The following ZDHHC21 variants were observed in gnomAD, a reference collection of about 807,000 sequenced individuals.
ZDHHC21 encodes zDHHC palmitoyltransferase 21, also known as palmitoyltransferase ZDHHC21.
A neutral mutation model predicts 34.6 loss-of-function variants in ZDHHC21; 15 were observed. The ratio of observed to expected loss-of-function variants is 0.43; its 90% CI spans 0.29 to 0.67. The LOEUF is 0.67. Ranked by LOEUF, ZDHHC21 falls within the 30% of genes least tolerant of loss-of-function variation. The pLI is 0.14. For missense variants in ZDHHC21, 344 were observed against 327.7 expected, an observed-to-expected ratio of 1.05 and a Z score of -0.38; for synonymous variants, 142 against 101.8, an observed-to-expected ratio of 1.40 and a Z score of -2.38.
rs966085107 is a variant in ZDHHC21, at chr9:14,617,322, G to A, written c.*1644C>T. The A allele has an allele frequency of 2.0e-5, 3 of 151,884 alleles. No homozygotes were observed. Among genetic ancestry groups the A allele is most frequent in the Non-Finnish European group, 4.4e-5 (3 of 67,884 alleles). The allele number at this position is 151,884 out of a possible 1,614,324, so 9.4% of individuals were successfully genotyped here. A position where few individuals can be genotyped will look rare whatever the true frequency, so the allele number is the denominator to read the frequency against. The stretch of plus-strand genomic sequence containing the variant: ...TCTGTTCGTATTTCTGAGTTTGTAA[G>A]TAATAAAGTATTCTAATTAGAACAT... On this transcript the variant is annotated 3_prime_UTR_variant, in exon 10 of 10. Coordinates refer to ENST00000380916, the MANE Select transcript of ZDHHC21 (RefSeq NM_178566.6).
intron 7 of ZDHHC21, among the ~76,000 whole-genome samples, chr9:14,646,215 T>C (rs1355123639): frequency 6.6e-6 from 1 of 152,068 alleles, no homozygotes; most frequent in Non-Finnish European, 1.5e-5. Flanking sequence ...TTCACAACAA[T>C]GAAAATAAAC....
rs557563374 is a variant in ZDHHC21 at position 14,615,018 on chromosome 9, G to A, written c.*3948C>T. On this transcript the variant is annotated 3_prime_UTR_variant, in exon 10 of 10. Transcript: ENST00000380916. ...GAGACTAGAGAAAAGTCCAGAGAGA[G>A]ACTAGCAGCTCTATTAATTAGTATT... The A allele has an allele frequency of 6.6e-6, 1 of 151,778 alleles. No homozygotes were observed. The highest frequency in any genetic ancestry group is 2.1e-4 in the South Asian group (1 of 4,828). 9.4% of individuals were successfully genotyped at this position (151,778 alleles called of 1,614,324 possible). A position where few individuals can be genotyped will look rare whatever the true frequency, so the allele number is the denominator to read the frequency against.
chr9:14,680,948 T>A (rs577841934), intron 2 of ZDHHC21, among the ~76,000 whole-genome samples: 11 of 152,248 alleles, frequency 7.2e-5, no homozygotes, highest in African/African-American at 2.6e-4. Context: ...CAACAAACCC[T>A]GTGAGGTAGC....
intron 6 of ZDHHC21, among the ~76,000 whole-genome samples, chr9:14,660,267 G>T (rs545451742): frequency 1.3e-5 from 2 of 150,464 alleles, no homozygotes; most frequent in Non-Finnish European, 2.9e-5. Flanking sequence ...TCGGGAGGCT[G>T]AGGCAGGAGA....
intron 6 of ZDHHC21, among the ~76,000 whole-genome samples, chr9:14,660,497 C>A (rs772484999): frequency 6.7e-6 from 1 of 150,250 alleles, no homozygotes; most frequent in Non-Finnish European, 1.5e-5. Flanking sequence ...TTTCTGAAAA[C>A]ATCAAAAATT....
the ZDHHC21 span, among the ~76,000 whole-genome samples, chr9:14,604,633 T>C: frequency 6.6e-6 from 1 of 152,208 alleles, no homozygotes; most frequent in Non-Finnish European, 1.5e-5. Flanking sequence ...TTAATCTTGG[T>C]ATTTTTAATT....
At position 14,658,807 on chromosome 9, in the gene ZDHHC21, G is replaced by C. The variant is rs1274529264; in HGVS notation, c.446C>G (p.Ala149Gly). 6.2e-7 allele frequency: 1 copy of C among 1,613,672 alleles called. No homozygotes were observed. ...ATAGTGGCAGAAAGAAAACATCAGTGCGTAGCAAGTAAGAAGTTCAGTGTA... is the reference window on the plus strand; with the variant it reads ...ATAGTGGCAGAAAGAAAACATCAGTCCGTAGCAAGTAAGAAGTTCAGTGTA... Reference protein sequence around the residue: ...CFYTELLTCYALMFSFCHYYY... With the variant: ...CFYTELLTCYGLMFSFCHYYY... The change falls in exon 7 of 10, where the codon GCA (alanine) becomes GGA (glycine). Residue 149 changes from alanine to glycine, a missense_variant. By Grantham distance (60) the Ala-to-Gly change is moderately conservative. Coordinates refer to ENST00000380916, the MANE Select transcript of ZDHHC21 (RefSeq NM_178566.6).
intron 5 of ZDHHC21, among the ~76,000 whole-genome samples, chr9:14,671,803 T>C (rs1835494878): frequency 6.6e-6 from 1 of 152,116 alleles, no homozygotes; most frequent in South Asian, 2.1e-4. Context: ...TTATATGGCA[T>C]GTAAATTATA....
At chr9:14,686,947 T>C (rs1587491027) in intron 2 of ZDHHC21, among the ~76,000 whole-genome samples, 1 of 146,494 alleles carries the variant, frequency 6.8e-6, no homozygotes, top group African/African-American at 2.7e-5. Context: ...CACTCCAGCC[T>C]GGGCGACAGG....
the ZDHHC21 span, among the ~76,000 whole-genome samples, chr9:14,592,407 T>C: frequency 6.6e-6 from 1 of 152,092 alleles, no homozygotes; most frequent in Non-Finnish European, 1.5e-5. Flanking sequence ...TCTTAAGTGA[T>C]ATTGACTTGT....
chr9:14,606,668 T>C (rs922005236), downstream of ZDHHC21, among the ~76,000 whole-genome samples: 1 of 151,988 alleles, frequency 6.6e-6, no homozygotes, highest in African/African-American at 2.4e-5. Flanking sequence ...GATTGTTATA[T>C]AGCAAAAGCA....
chr9:14,670,553 T>C (rs770398974), intron 5 of ZDHHC21, among the ~76,000 whole-genome samples: 7 of 152,098 alleles, frequency 4.6e-5, no homozygotes, highest in Non-Finnish European at 7.4e-5. Context: ...AGAGACTGTA[T>C]GGCCCATAAA....
chr9:14,620,991 C>T (rs1183233880), intron 8 of ZDHHC21, among the ~76,000 whole-genome samples: 4 of 151,960 alleles, frequency 2.6e-5, no homozygotes, highest in Admixed American at 6.6e-5. Context: ...TTTATGAAAA[C>T]ACAGTCTACA....
chr9:14,677,449 G>C (rs1364669292), intron 3 of ZDHHC21: 2 of 151,882 alleles, frequency 1.3e-5, no homozygotes, highest in Non-Finnish European at 2.9e-5. Context: ...TATCTACCAG[G>C]CGTGGCTTAT....
At chr9:14,653,497 G>C (rs186697159) in intron 7 of ZDHHC21, among the ~76,000 whole-genome samples, 3 of 151,998 alleles carry the variant, frequency 2.0e-5, no homozygotes, top group Admixed American at 1.3e-4. Context: ...TATACTGCTG[G>C]AATTTTACTA....
chr9:14,677,602 C>G (rs1836656496), intron 3 of ZDHHC21: 1 of 151,982 alleles, frequency 6.6e-6, no homozygotes, highest in Non-Finnish European at 1.5e-5. Context: ...ATGGTGAGCT[C>G]TTAACTCAAA....
chr9:14,651,559 T>G (rs1008336390), intron 7 of ZDHHC21, among the ~76,000 whole-genome samples: 10 of 151,712 alleles, frequency 6.6e-5, no homozygotes, highest in Admixed American at 2.0e-4. Flanking sequence ...TTCATAGGAG[T>G]AGACATTTTC....
the ZDHHC21 span, among the ~76,000 whole-genome samples, chr9:14,599,534 A>C: frequency 1.3e-5 from 2 of 151,356 alleles, no homozygotes; most frequent in Admixed American, 1.3e-4. Flanking sequence ...TTGGGCAGAC[A>C]CTGAGCTAGC....
rs1209758071 is a variant in ZDHHC21, at chr9:14,616,544, A to C, written c.*2422T>G. 1.3e-5 allele frequency: 2 copies of C among 151,808 alleles called. No individual in the cohort carries two copies. Among genetic ancestry groups the C allele is most frequent in the Non-Finnish European group, 2.9e-5 (2 of 67,802 alleles). The allele number at this position is 151,808 out of a possible 1,614,324, so 9.4% of individuals were successfully genotyped here. A position where few individuals can be genotyped will look rare whatever the true frequency, so the allele number is the denominator to read the frequency against. On this transcript the variant is annotated 3_prime_UTR_variant, in exon 10 of 10. Transcript: ENST00000380916. ...TATGGGGCAGTAAATCTTTAGAGCC[A>C]GTATAATTACATCAATTAGCCAAAA...
Sources: allele counts gnomAD v4.1 joint callset (sites outside exome capture counted in the v4.1 genomes callset), GRCh38; gene constraint gnomAD v4.1.1; transcripts MANE v1.5; gene names NCBI Gene and HGNC (gene_info 2026-07-23, HGNC 2026-07-21).